The following GALNT13 variants were observed in gnomAD, a reference collection of about 807,000 sequenced individuals.
The protein encoded by GALNT13 is UDP-GalNAc:polypeptide N-acetylgalactosaminyltransferase 13.
Under a neutral mutation model 64.2 loss-of-function variants are expected in GALNT13, and 28 were observed. That is an observed-to-expected ratio of 0.44 (90% confidence interval 0.32 to 0.60). GALNT13 has a LOEUF of 0.60. Ranked by LOEUF, GALNT13 falls within the 20% of genes least tolerant of loss-of-function variation. GALNT13 has a pLI of 0.05. For synonymous variants in GALNT13, 214 were observed against 224.6 expected (o/e 0.95, Z 0.42); for missense variants, 577 against 669.8 (o/e 0.86, Z 1.53).
At chr2:154,309,627 TGA>T (rs1465793291) in intron 9 of GALNT13, among the ~76,000 whole-genome samples, 2 of 152,126 alleles carry the variant, frequency 1.3e-5, no homozygotes. Flanking sequence ...ACTCACTCCA[TGA>T]GATGGCTTTA....
the GALNT13 span, among the ~76,000 whole-genome samples, chr2:153,840,168 C>T: frequency 1.3e-5 from 2 of 152,154 alleles, no homozygotes; most frequent in Middle Eastern, 3.4e-3. Context: ...AATAAACAAA[C>T]TAACACATAG....
intron 3 of GALNT13, among the ~76,000 whole-genome samples, chr2:154,133,343 T>C (rs972479885): frequency 1.3e-5 from 2 of 151,886 alleles, no homozygotes; most frequent in Non-Finnish European, 2.9e-5. Flanking sequence ...GCTAAATCTC[T>C]ACTTATGATC....
At chr2:153,626,418 T>C in the GALNT13 span, among the ~76,000 whole-genome samples, 2 of 152,098 alleles carry the variant, frequency 1.3e-5, no homozygotes, top group African/African-American at 2.4e-5. Context: ...GATTTCTGGA[T>C]GCTATGTTAT....
chr2:153,238,611 T>G, the GALNT13 span, among the ~76,000 whole-genome samples: 103 of 152,214 alleles, frequency 6.8e-4, no homozygotes, highest in African/African-American at 2.3e-3. Flanking sequence ...TGTATTGCTC[T>G]TGGCACCTTT....
the GALNT13 span, among the ~76,000 whole-genome samples, chr2:153,340,419 G>A: frequency 2.6e-4 from 39 of 151,746 alleles, no homozygotes; most frequent in Middle Eastern, 3.5e-3. Context: ...CACTTTGGGA[G>A]GCTGAGGTAG....
At chr2:153,277,139 A>G in the GALNT13 span, among the ~76,000 whole-genome samples, 3 of 152,260 alleles carry the variant, frequency 2.0e-5, no homozygotes, top group Non-Finnish European at 2.9e-5. Flanking sequence ...TTGGGATACA[A>G]TTGATCCCGT....
At chr2:154,345,833 C>T (rs1696039419) in intron 9 of GALNT13, among the ~76,000 whole-genome samples, 2 of 152,050 alleles carry the variant, frequency 1.3e-5, no homozygotes, top group African/African-American at 4.8e-5. Flanking sequence ...TGGTCTCATT[C>T]ACTTCTTTAG....
the GALNT13 span, among the ~76,000 whole-genome samples, chr2:153,082,330 C>T: frequency 6.6e-6 from 1 of 151,552 alleles, no homozygotes; most frequent in Non-Finnish European, 1.5e-5. Flanking sequence ...CCTCCAAATC[C>T]CCAAAGTCTA....
chr2:153,635,000 A>G, the GALNT13 span, among the ~76,000 whole-genome samples: 1 of 151,924 alleles, frequency 6.6e-6, no homozygotes, highest in East Asian at 1.9e-4. Flanking sequence ...GTTGAGAAAA[A>G]TTAGGTGCTA....
the GALNT13 span, among the ~76,000 whole-genome samples, chr2:153,635,696 A>C: frequency 6.6e-6 from 1 of 152,070 alleles, no homozygotes; most frequent in Non-Finnish European, 1.5e-5. Flanking sequence ...CTCTGTGTCC[A>C]CAACTACTCT....
chr2:154,330,601 CCTT>C (rs1695116569), intron 9 of GALNT13, among the ~76,000 whole-genome samples: 1 of 152,092 alleles, frequency 6.6e-6, no homozygotes, highest in Non-Finnish European at 1.5e-5. Context: ...CTCCCCTGCT[CCTT>C]CTGATTATCC....
chr2:154,185,283 T>G (rs1381213381), intron 4 of GALNT13, among the ~76,000 whole-genome samples: 1 of 152,088 alleles, frequency 6.6e-6, no homozygotes, highest in African/African-American at 2.4e-5. Flanking sequence ...ATTCTCTCTT[T>G]GTCTCTGACT....
chr2:154,353,541 C>A (rs1696534803), intron 9 of GALNT13, among the ~76,000 whole-genome samples: 1 of 152,164 alleles, frequency 6.6e-6, no homozygotes, highest in Non-Finnish European at 1.5e-5. Context: ...TACACATCTG[C>A]TACTTTGTAT....
the GALNT13 span, among the ~76,000 whole-genome samples, chr2:153,408,744 TA>T: frequency 6.6e-6 from 1 of 151,800 alleles, no homozygotes; most frequent in Non-Finnish European, 1.5e-5. Context: ...TTTGCTAAAC[TA>T]ATTAGCCTAT....
chr2:154,294,307 A>G (rs1375052512), intron 8 of GALNT13, among the ~76,000 whole-genome samples: 1 of 152,254 alleles, frequency 6.6e-6, no homozygotes, highest in Non-Finnish European at 1.5e-5. Flanking sequence ...TTGCAGCATT[A>G]TACCTGTATA....
intron 4 of GALNT13, among the ~76,000 whole-genome samples, chr2:154,147,604 T>C (rs1158026412): frequency 6.6e-6 from 1 of 151,874 alleles, no homozygotes; most frequent in African/African-American, 2.4e-5. Context: ...ATGAAACTCT[T>C]TGCTAGGAAT....
upstream of GALNT13, among the ~76,000 whole-genome samples, chr2:153,871,249 C>T (rs1411156511): frequency 2.7e-4 from 41 of 152,058 alleles, no homozygotes; most frequent in Admixed American, 2.6e-3. Context: ...TTTTCTTTAC[C>T]TCTTCATAAA....
intron 9 of GALNT13, among the ~76,000 whole-genome samples, chr2:154,331,956 G>A (rs913723273): frequency 6.6e-6 from 1 of 152,014 alleles, no homozygotes; most frequent in Middle Eastern, 3.2e-3. Context: ...TCATTTGACT[G>A]GTTTGAATAA....
chr2:153,197,109 C>T, the GALNT13 span, among the ~76,000 whole-genome samples: 3 of 152,200 alleles, frequency 2.0e-5, no homozygotes, highest in Non-Finnish European at 4.4e-5. Flanking sequence ...CAACTCCGTG[C>T]TCAGGTCCCC....
Sources: gnomAD v4.1 joint callset for allele counts (sites outside exome capture counted in the v4.1 genomes callset) on GRCh38, gnomAD v4.1.1 for gene constraint, MANE v1.5 for transcripts, NCBI Gene and HGNC (gene_info 2026-07-23, HGNC 2026-07-21) for gene names.